CALN1: variants seen among roughly 807,000 people sequenced by gnomAD.
CALN1 encodes the protein calcium-binding protein 8.
CALN1 carries 17 observed loss-of-function variants against 30.6 expected under a neutral mutation model. The observed-to-expected ratio is 0.56, with a 90% confidence interval of 0.38 to 0.83. The LOEUF is 0.83. CALN1 is among the 40% of genes least tolerant of loss of function. CALN1 has a pLI of 0.00. For missense variants in CALN1, 291 were observed against 354.9 expected, an observed-to-expected ratio of 0.82 and a Z score of 1.45; for synonymous variants, 156 against 131.4, an observed-to-expected ratio of 1.19 and a Z score of -1.28.
intron 5 of CALN1, among the ~76,000 whole-genome samples, chr7:71,995,221 T>C (rs1799192946): frequency 6.6e-6 from 1 of 152,214 alleles, no homozygotes; most frequent in Admixed American, 6.5e-5. Context: ...TGGTCCTTAC[T>C]GTACACGTGA....
chr7:72,389,767 A>G (rs1237113359), intron 2 of CALN1, among the ~76,000 whole-genome samples: 1 of 151,992 alleles, frequency 6.6e-6, no homozygotes, highest in African/African-American at 2.4e-5. Context: ...TAAAAATACA[A>G]AATTAGCTAG....
intron 4 of CALN1, among the ~76,000 whole-genome samples, chr7:72,035,573 G>C (rs923959485): frequency 2.0e-5 from 3 of 151,898 alleles, no homozygotes; most frequent in Admixed American, 6.6e-5. Context: ...TCTTTTTGTA[G>C]TGAAATATTT....
At chr7:72,174,908 T>C (rs1789232508) in intron 3 of CALN1, among the ~76,000 whole-genome samples, 2 of 147,184 alleles carry the variant, frequency 1.4e-5, no homozygotes, top group African/African-American at 5.0e-5. Context: ...GTATGTAAAC[T>C]ATACCTCAAT....
chr7:72,380,821 A>T lies in CALN1; in HGVS notation c.119+22430T>A, dbSNP rs1036244905. 4.6e-5 allele frequency among the ~76,000 whole-genome samples: 7 copies of T among 152,200 alleles called. No homozygotes were observed. In the East Asian group the frequency reaches 9.6e-4, roughly 21 times the overall value. The stretch of plus-strand genomic sequence containing the variant: ...AAAGCCATGGCACTCCAGTCTCGGC[A>T]ACAGAGCAAGACTCTGTCTCAAAAA... On this transcript the variant is annotated intron_variant, in intron 2 of 6. Coordinates refer to ENST00000395275, the MANE Select transcript of CALN1 (RefSeq NM_031468.4).
intron 4 of CALN1, among the ~76,000 whole-genome samples, chr7:72,045,098 G>A (rs17144283): frequency 0.16 from 24,313 of 152,158 alleles, 2,581 homozygotes; most frequent in East Asian, 0.36. Flanking sequence ...AGTCACAGCG[G>A]TCCTAGAAGC....
chr7:72,362,216 T>C (rs1288342598), intron 2 of CALN1, among the ~76,000 whole-genome samples: 4 of 152,214 alleles, frequency 2.6e-5, no homozygotes, highest in Admixed American at 1.3e-4. Context: ...GCTTCGTTCG[T>C]TGCTAACTGT....
chr7:71,821,312 C>A (rs1202199453), intron 5 of CALN1, among the ~76,000 whole-genome samples: 1 of 152,118 alleles, frequency 6.6e-6, no homozygotes, highest in Non-Finnish European at 1.5e-5. Context: ...AATCCGTTTT[C>A]ATATTCTTCT....
chr7:72,188,134 A>G (rs1298128931), intron 3 of CALN1, among the ~76,000 whole-genome samples: 1 of 152,150 alleles, frequency 6.6e-6, no homozygotes, highest in Non-Finnish European at 1.5e-5. Flanking sequence ...ATCTGCTCGG[A>G]GGAAAAGAAA....
intron 4 of CALN1, among the ~76,000 whole-genome samples, chr7:72,100,681 G>A (rs1023818113): frequency 1.4e-4 from 21 of 151,856 alleles, no homozygotes; most frequent in Non-Finnish European, 2.6e-4. Flanking sequence ...CTAGCCGGGC[G>A]TGGTGGCGGG....
At chr7:71,950,989 C>T (rs1241008080) in intron 5 of CALN1, among the ~76,000 whole-genome samples, 7 of 152,196 alleles carry the variant, frequency 4.6e-5, no homozygotes, top group Non-Finnish European at 7.3e-5. Flanking sequence ...AATAGGCCCC[C>T]GTCTATCCCC....
intron 3 of CALN1, among the ~76,000 whole-genome samples, chr7:72,246,772 G>C: frequency 5.1e-5 from 1 of 19,734 alleles, no homozygotes; most frequent in Non-Finnish European, 1.0e-4. Flanking sequence ...TTTTTTTTTT[G>C]AGATGGAGTT....
chr7:72,285,053 C>T (rs781063428), intron 2 of CALN1, among the ~76,000 whole-genome samples: 1 of 152,056 alleles, frequency 6.6e-6, no homozygotes, highest in Non-Finnish European at 1.5e-5. Flanking sequence ...AAAGTGTGGT[C>T]TATAGACCAC....
chr7:71,858,922 T>C (rs949554410), intron 5 of CALN1, among the ~76,000 whole-genome samples: 5 of 152,162 alleles, frequency 3.3e-5, no homozygotes, highest in Non-Finnish European at 7.3e-5. Flanking sequence ...GTCCTTAACC[T>C]TGGCAAAATA....
chr7:72,152,996 G>A (rs1002342670), intron 3 of CALN1, among the ~76,000 whole-genome samples: 5 of 152,214 alleles, frequency 3.3e-5, no homozygotes, highest in African/African-American at 7.2e-5. Context: ...TCATGGCTGA[G>A]TATCAATCAA....
chr7:72,114,259 GAA>G lies in CALN1; in HGVS notation c.245-7967_245-7966del, dbSNP rs1404861118. ...AATAAAAGTTGAAGGGAAGGGAAGG[GAA>G]GGGAAGGGAAGGGAAGGGAAGGGAA... On this transcript the variant is annotated intron_variant, in intron 3 of 6. Coordinates refer to ENST00000395275, the MANE Select transcript of CALN1 (RefSeq NM_031468.4). Among the ~76,000 whole-genome samples the G allele has an allele frequency of 1.1e-3, 70 of 61,020 alleles. 5 individuals carry two copies. Among genetic ancestry groups the G allele is most frequent in the Middle Eastern group, 7.6e-3 (1 of 132 alleles). 40.0% of individuals were successfully genotyped at this position (61,020 alleles called of 152,430 possible).
intron 2 of CALN1, among the ~76,000 whole-genome samples, chr7:72,305,484 C>T (rs1312437561): frequency 1.3e-5 from 2 of 152,132 alleles, no homozygotes; most frequent in African/African-American, 4.8e-5. Context: ...AGTGGTCCTG[C>T]TAAGTCCACC....
chr7:72,299,025 T>TA (rs1799063401), intron 2 of CALN1, among the ~76,000 whole-genome samples: 1 of 152,090 alleles, frequency 6.6e-6, no homozygotes, highest in South Asian at 2.1e-4. Context: ...AATGAACTAA[T>TA]ACAATCCCCC....
intron 4 of CALN1, among the ~76,000 whole-genome samples, chr7:72,057,383 C>CTTTTTTTTTTTTTTTTTTTT: frequency 9.8e-6 from 1 of 101,908 alleles, no homozygotes; most frequent in Non-Finnish European, 1.9e-5. Flanking sequence ...TTTAAATGTT[C>CTTTTTTTTTTTTTTTTTTTT]TTTTTTTTTT....
At chr7:72,457,297 G>A in the CALN1 span, among the ~76,000 whole-genome samples, 15 of 152,138 alleles carry the variant, frequency 9.9e-5, no homozygotes, top group African/African-American at 3.6e-4. Context: ...TTCTCATAGT[G>A]TTTGGAATAA....
Sources: allele counts gnomAD v4.1 joint callset (sites outside exome capture counted in the v4.1 genomes callset), GRCh38; gene constraint gnomAD v4.1.1; transcripts MANE v1.5; gene names NCBI Gene and HGNC (gene_info 2026-07-23, HGNC 2026-07-21).